Variants in BTRC observed in about 807,000 individuals in gnomAD.
The protein encoded by BTRC is beta-transducin repeat containing E3 ubiquitin protein ligase, also known as F-box/WD repeat-containing protein 1A.
A neutral mutation model predicts 85.5 loss-of-function variants in BTRC; 42 were observed. The ratio of observed to expected loss-of-function variants is 0.49; its 90% CI spans 0.38 to 0.64. BTRC has a LOEUF of 0.64. BTRC is among the 30% of genes least tolerant of loss of function. The pLI, the probability that BTRC is intolerant of heterozygous loss-of-function variation, is 0.00. For synonymous variants in BTRC, 255 were observed against 263.3 expected (o/e 0.97, Z 0.30); for missense variants, 594 against 743.5 (o/e 0.80, Z 2.34).
chr10:101,359,796 T>C (rs2134470272), intron 1 of BTRC, among the ~76,000 whole-genome samples: 1 of 152,052 alleles, frequency 6.6e-6, no homozygotes, highest in East Asian at 1.9e-4. Flanking sequence ...GACAGGGCTT[T>C]TCCATGTTGG....
chr10:101,547,328 C>CTTTTTTT (rs71016332), intron 13 of BTRC, among the ~76,000 whole-genome samples: 10 of 79,636 alleles, frequency 1.3e-4, no homozygotes, highest in Non-Finnish European at 1.7e-4. Flanking sequence ...TATGGTTTTT[C>CTTTTTTT]TTTTTTTTTT....
rs372376670 is a variant in BTRC at position 101,483,316 on chromosome 10, C to T, written c.324+3859C>T. Among the ~76,000 whole-genome samples, 35 of 152,224 alleles carry T rather than the reference C, an allele frequency of 2.3e-4. No individual in the cohort carries two copies. In the East Asian group the frequency reaches 6.6e-3, roughly 29 times the overall value. ...GAAAAAATTTAAAACTAAAAATGGC[C>T]GGGCACGGTGGCTCACACCTGTAAT... On this transcript the variant is annotated intron_variant, in intron 4 of 14. Transcript: ENST00000370187.
intron 14 of BTRC, among the ~76,000 whole-genome samples, chr10:101,552,614 C>G (rs1177698558): frequency 3.3e-5 from 5 of 152,302 alleles, no homozygotes; most frequent in African/African-American, 1.2e-4. Flanking sequence ...AAGCCTCTGC[C>G]TTAATCTCCA....
At chr10:101,408,539 G>A (rs986493180) in intron 1 of BTRC, among the ~76,000 whole-genome samples, 18 of 152,054 alleles carry the variant, frequency 1.2e-4, no homozygotes, top group African/African-American at 3.9e-4. Context: ...ACTCATGGAC[G>A]CAAGCGATCT....
At chr10:101,396,189 C>G (rs1042681002) in intron 1 of BTRC, among the ~76,000 whole-genome samples, 1 of 150,670 alleles carries the variant, frequency 6.6e-6, no homozygotes, top group Admixed American at 6.7e-5. Flanking sequence ...TCTTTGCTCT[C>G]ATTTCCCAAC....
intron 14 of BTRC, among the ~76,000 whole-genome samples, chr10:101,551,452 C>T (rs1189521337): frequency 6.6e-6 from 1 of 152,230 alleles, no homozygotes; most frequent in Non-Finnish European, 1.5e-5. Context: ...CTGACCTCCA[C>T]ATGTCCTCCC....
intron 4 of BTRC, among the ~76,000 whole-genome samples, chr10:101,516,511 A>C (rs1361772447): frequency 6.6e-6 from 1 of 152,202 alleles, no homozygotes; most frequent in African/African-American, 2.4e-5. Flanking sequence ...CTCATCAAAA[A>C]AATACTCGTT....
rs200829457 is a variant in BTRC, at chr10:101,355,278, T to TC, written c.48+1051dup. Among the ~76,000 whole-genome samples, 1,059 of 152,294 alleles carry TC rather than the reference T, an allele frequency of 7.0e-3. 5 individuals carry two copies. Among genetic ancestry groups the TC allele is most frequent in the Middle Eastern group, 0.02 (6 of 294 alleles). On this transcript the variant is annotated intron_variant, in intron 1 of 14. Coordinates refer to ENST00000370187, the MANE Select transcript of BTRC (RefSeq NM_033637.4). ...GTGGAGGTTGGTAGAGGGAAGTAAG[T>TC]CAGGGATAAGTCAGGATTTGTGGTT...
At chr10:101,365,936 C>G (rs1300361397) in intron 1 of BTRC, among the ~76,000 whole-genome samples, 1 of 152,098 alleles carries the variant, frequency 6.6e-6, no homozygotes, top group Non-Finnish European at 1.5e-5. Context: ...ACAGTGGCTG[C>G]TTAAACGACT....
At chr10:101,388,491 G>A (rs1307643071) in intron 1 of BTRC, among the ~76,000 whole-genome samples, 1 of 150,058 alleles carries the variant, frequency 6.7e-6, no homozygotes, top group African/African-American at 2.5e-5. Context: ...CGCCCCACCT[G>A]TGTTTATTGA....
intron 4 of BTRC, among the ~76,000 whole-genome samples, chr10:101,514,843 G>A (rs1387579822): frequency 3.9e-5 from 6 of 152,170 alleles, no homozygotes; most frequent in African/African-American, 1.4e-4. Context: ...ATCTACACTT[G>A]TGTCCTTACA....
intron 5 of BTRC, among the ~76,000 whole-genome samples, chr10:101,523,725 C>T (rs916131067): frequency 5.3e-5 from 8 of 152,054 alleles, no homozygotes; most frequent in African/African-American, 1.9e-4. Flanking sequence ...TGTTTTGTGA[C>T]CATTTTTTCT....
At chr10:101,389,611 T>G (rs972486999) in intron 1 of BTRC, among the ~76,000 whole-genome samples, 1 of 3,502 alleles carries the variant, frequency 2.9e-4, no homozygotes, top group South Asian at 7.2e-3. Context: ...GCCAAACACC[T>G]TTTTTTTTTT....
chr10:101,389,349 T>C (rs527978717), intron 1 of BTRC, among the ~76,000 whole-genome samples: 1 of 152,158 alleles, frequency 6.6e-6, no homozygotes, highest in African/African-American at 2.4e-5. Context: ...TGGGTTATTA[T>C]CATTTCTTTT....
intron 1 of BTRC, among the ~76,000 whole-genome samples, chr10:101,382,839 G>A (rs1203801664): frequency 6.6e-6 from 1 of 151,708 alleles, no homozygotes; most frequent in Admixed American, 6.6e-5. Context: ...TTCCTATTTT[G>A]GAAAGACATT....
intron 3 of BTRC, 113 bp downstream of exon 3, chr10:101,462,171 C>G (rs1001293462): frequency 8.8e-6 from 7 of 794,276 alleles, no homozygotes; most frequent in Non-Finnish European, 1.0e-5. Flanking sequence ...TAAGAGTACT[C>G]GGACGTTGGC....
intron 1 of BTRC, among the ~76,000 whole-genome samples, chr10:101,365,832 C>T (rs1317782337): frequency 1.3e-5 from 2 of 151,970 alleles, no homozygotes; most frequent in South Asian, 2.1e-4. Flanking sequence ...ATATCATAAT[C>T]GGAAAAAGTA....
At chr10:101,464,447 C>T (rs2134178271) in intron 3 of BTRC, among the ~76,000 whole-genome samples, 1 of 152,120 alleles carries the variant, frequency 6.6e-6, no homozygotes, top group East Asian at 1.9e-4. Flanking sequence ...GTGCAATATT[C>T]GAAAGAGATT....
At chr10:101,542,999 C>T (rs990914941) in intron 13 of BTRC, among the ~76,000 whole-genome samples, 3 of 152,198 alleles carry the variant, frequency 2.0e-5, no homozygotes, top group African/African-American at 7.2e-5. Flanking sequence ...GCCTCAGCCT[C>T]CCAAGTAGCT....
Sources: allele counts gnomAD v4.1 joint callset (sites outside exome capture counted in the v4.1 genomes callset), GRCh38; gene constraint gnomAD v4.1.1; transcripts MANE v1.5; gene names NCBI Gene and HGNC (gene_info 2026-07-23, HGNC 2026-07-21).